The following PIN4 variants were observed in gnomAD, a reference collection of about 807,000 sequenced individuals.
PIN4 encodes peptidylprolyl cis/trans isomerase, NIMA-interacting 4.
Under a neutral mutation model 8.3 loss-of-function variants are expected in PIN4, and 3 were observed. The ratio of observed to expected loss-of-function variants is 0.36; its 90% confidence interval spans 0.16 to 0.93. The LOEUF (loss-of-function observed/expected upper bound fraction) is 0.93. PIN4 is among the 40% of genes least tolerant of loss of function. The pLI is 0.44. For missense variants in PIN4, 75 were observed against 100.6 expected (o/e 0.75, Z 1.09); for synonymous variants, 18 against 32.5 (o/e 0.55, Z 1.52).
chrX:72,229,034 T>C (rs985535734), intron 3 of PIN4, among the ~76,000 whole-genome samples: 3 of 111,371 alleles, frequency 2.7e-5, no homozygotes, highest in African/African-American at 9.8e-5. Context: ...GCAATTATCC[T>C]ACTTCCAGGG....
intron 2 of PIN4, among the ~76,000 whole-genome samples, chrX:72,187,839 T>C (rs2042711363): frequency 8.9e-6 from 1 of 112,317 alleles, no homozygotes; most frequent in Admixed American, 9.4e-5. Flanking sequence ...GTCCTTGTTA[T>C]CACAGGCTAC....
At chrX:72,193,154 C>T (rs2042744768) in intron 2 of PIN4, among the ~76,000 whole-genome samples, 1 of 111,560 alleles carries the variant, frequency 9.0e-6, no homozygotes, top group Non-Finnish European at 1.9e-5. Context: ...AACTCTTTGT[C>T]GCACTGTCTA....
intron 3 of PIN4, among the ~76,000 whole-genome samples, chrX:72,259,215 C>CTTT (rs3038606): frequency 1.1e-5 from 1 of 90,632 alleles, no homozygotes; most frequent in Non-Finnish European, 2.1e-5. Flanking sequence ...GAGTTTACTA[C>CTTT]TTTTTTTTTT....
intron 3 of PIN4, chrX:72,208,704 GA>G (rs766001388): frequency 1.3e-5 from 15 of 1,115,574 alleles, no homozygotes; most frequent in South Asian, 6.4e-5. Context: ...CATATCTATA[GA>G]AAAAAAAAGA....
chrX:72,216,267 C>T (rs1483734675), intron 3 of PIN4, among the ~76,000 whole-genome samples: 1 of 108,671 alleles, frequency 9.2e-6, no homozygotes, highest in African/African-American at 3.4e-5. Context: ...ATCTACAAGC[C>T]AAAAAGCTCC....
intron 3 of PIN4, chrX:72,207,939 T>C: frequency 8.3e-7 from 1 of 1,211,892 alleles, no homozygotes; most frequent in African/African-American, 1.7e-5. Context: ...GCAGGGACCC[T>C]TGACAAGCAA....
intron 3 of PIN4, among the ~76,000 whole-genome samples, chrX:72,240,456 A>G (rs931554986): frequency 4.5e-5 from 5 of 112,043 alleles, no homozygotes; most frequent in African/African-American, 1.6e-4. Context: ...GTCATACATC[A>G]TATGTCCAGA....
At chrX:72,200,161 C>CAAAAAAAAAAA, downstream of PIN4, among the ~76,000 whole-genome samples, 1 of 44,536 alleles carries the variant, frequency 2.2e-5, no homozygotes, top group Non-Finnish European at 4.6e-5. Context: ...AAAACTGTCT[C>CAAAAAAAAAAA]AAAAAAAAAA....
chrX:72,220,516 T>A (rs1053173850), intron 3 of PIN4, among the ~76,000 whole-genome samples: 2 of 110,896 alleles, frequency 1.8e-5, no homozygotes, highest in African/African-American at 3.3e-5. Flanking sequence ...ACAATTAACA[T>A]CTCCAACCAG....
intron 3 of PIN4, among the ~76,000 whole-genome samples, chrX:72,245,718 C>T (rs752899074): frequency 2.7e-5 from 3 of 111,788 alleles, no homozygotes; most frequent in Admixed American, 9.5e-5. Flanking sequence ...TGGCAGCTGG[C>T]CTGGCCCCTG....
chrX:72,252,197 G>A (rs368273153), intron 3 of PIN4, among the ~76,000 whole-genome samples: 1 of 110,451 alleles, frequency 9.1e-6, no homozygotes, highest in Admixed American at 9.7e-5. Flanking sequence ...CACCCAGGCT[G>A]GAATACAGTG....
At chrX:72,232,019 C>T (rs781164802) in intron 3 of PIN4, among the ~76,000 whole-genome samples, 20 of 108,346 alleles carry the variant, frequency 1.8e-4, no homozygotes, top group African/African-American at 6.4e-4. Context: ...TTCAAGATTA[C>T]GGTGAACTAT....
intron 3 of PIN4, among the ~76,000 whole-genome samples, chrX:72,203,824 A>G (rs1358058984): frequency 1.8e-5 from 2 of 111,805 alleles, no homozygotes; most frequent in African/African-American, 3.3e-5. Context: ...AGTGCCCAAC[A>G]CATAGTACGT....
At position 72,192,890 on chromosome X, in the gene PIN4, G is replaced by A. The variant is rs182988526; in HGVS notation, c.118-3895G>A. On this transcript the variant is annotated intron_variant, in intron 2 of 3. Transcript: ENST00000373669. ...TGGGGTTATAGGTGTGAGCCACTGCGCCTCGCCCCTTTTTATTACACTTTT... is the reference window on the plus strand; with the variant it reads ...TGGGGTTATAGGTGTGAGCCACTGCACCTCGCCCCTTTTTATTACACTTTT... Among the ~76,000 whole-genome samples the A allele has an allele frequency of 4.4e-3, 495 of 111,715 alleles. 8 individuals carry two copies. The highest frequency in any genetic ancestry group is 0.015 in the African/African-American group (454 of 30,642).
chrX:72,232,401 T>A (rs1602452156), intron 3 of PIN4, among the ~76,000 whole-genome samples: 1 of 62,797 alleles, frequency 1.6e-5, no homozygotes, highest in African/African-American at 7.2e-5. Context: ...CTGGGCAACA[T>A]AGCCAGACCT....
chrX:72,261,960 G>C (rs1454271872), intron 3 of PIN4, among the ~76,000 whole-genome samples: 1 of 109,302 alleles, frequency 9.1e-6, no homozygotes, highest in Non-Finnish European at 1.9e-5. Context: ...CCCATCCTCT[G>C]AGTCCTCCAG....
rs748396239 is a variant in PIN4, at chrX:72,257,460, A to G, written c.313-5247A>G. Among the ~76,000 whole-genome samples, 14 of 111,916 alleles carry G rather than the reference A, an allele frequency of 1.3e-4. No homozygotes were observed. The Admixed American group carries it at 1.3e-3, about 11-fold the overall frequency. On this transcript the variant is annotated intron_variant, in intron 3 of 3. Transcript: ENST00000423432. Reference sequence around the variant, plus strand: ...GGGCAGGGGCAAAGTCATTAGGAGCACTGCTAGGAGCAAAGGAGCAGTAGA... The same window carrying G: ...GGGCAGGGGCAAAGTCATTAGGAGCGCTGCTAGGAGCAAAGGAGCAGTAGA...
At chrX:72,214,672 C>CAAAAA (rs58451189) in intron 3 of PIN4, among the ~76,000 whole-genome samples, 2 of 41,973 alleles carry the variant, frequency 4.8e-5, no homozygotes. Context: ...GACTCCATCT[C>CAAAAA]AAAAAAAAAA....
intron 3 of PIN4, among the ~76,000 whole-genome samples, chrX:72,210,921 T>TC (rs895823555): frequency 2.7e-5 from 3 of 111,882 alleles, no homozygotes; most frequent in Non-Finnish European, 5.6e-5. Flanking sequence ...GCTCTTCCTT[T>TC]CCCCTCAGTC....
Sources: allele counts gnomAD v4.1 joint callset (sites outside exome capture counted in the v4.1 genomes callset), GRCh38; gene constraint gnomAD v4.1.1; transcripts MANE v1.5; gene names NCBI Gene and HGNC (gene_info 2026-07-23, HGNC 2026-07-21).